ANAPC10: variants seen among roughly 807,000 people sequenced by gnomAD.
ANAPC10 encodes anaphase-promoting complex subunit 10.
A neutral mutation model predicts 22.0 loss-of-function variants in ANAPC10; 12 were observed. The ratio of observed to expected loss-of-function variants is 0.55; its 90% CI spans 0.35 to 0.88. The LOEUF (loss-of-function observed/expected upper bound fraction) is 0.88. Among genes scored for constraint, ANAPC10 ranks in the 40% least tolerant of loss-of-function variants. The probability of loss-of-function intolerance (pLI) is 0.01; values close to 1 mark genes in which losing one functional copy is unlikely to be tolerated. For synonymous variants in ANAPC10, 65 were observed against 69.5 expected (o/e 0.94, Z 0.32); for missense variants, 188 against 220.9 (o/e 0.85, Z 0.94).
chr4:145,047,661 C>T (rs1740521002), intron 4 of ANAPC10, among the ~76,000 whole-genome samples: 1 of 151,998 alleles, frequency 6.6e-6, no homozygotes, highest in Non-Finnish European at 1.5e-5. Context: ...CAACACAAGG[C>T]AACTCTTCAT....
intron 4 of ANAPC10, chr4:145,053,711 C>T: frequency 1.6e-6 from 1 of 608,586 alleles, no homozygotes; most frequent in Non-Finnish European, 2.9e-6. Flanking sequence ...GTTTCTGCTT[C>T]AATATTCTCA....
chr4:145,095,259 A>G (rs1261905132), intron 2 of ANAPC10, among the ~76,000 whole-genome samples: 1 of 152,252 alleles, frequency 6.6e-6, no homozygotes, highest in Non-Finnish European at 1.5e-5. Context: ...AAATATTAAA[A>G]GGGAAATTCC....
At chr4:145,089,507 GGTAGCA>G (rs1349183764) in intron 2 of ANAPC10, among the ~76,000 whole-genome samples, 9 of 152,168 alleles carry the variant, frequency 5.9e-5, no homozygotes, top group Non-Finnish European at 1.2e-4. Flanking sequence ...CCTATTATAC[GGTAGCA>G]GTCATAACAC....
intron 4 of ANAPC10, among the ~76,000 whole-genome samples, chr4:145,041,340 C>A (rs1645073638): frequency 6.6e-6 from 1 of 152,182 alleles, no homozygotes; most frequent in South Asian, 2.1e-4. Flanking sequence ...TGAAGTTTGA[C>A]TTCATCTTGA....
intron 3 of ANAPC10, among the ~76,000 whole-genome samples, chr4:145,069,890 C>T (rs1281473716): frequency 6.6e-6 from 1 of 152,124 alleles, no homozygotes; most frequent in Non-Finnish European, 1.5e-5. Flanking sequence ...AACAATGACA[C>T]TCTTCTCACT....
chr4:145,093,442 TA>T (rs925790695), intron 2 of ANAPC10, among the ~76,000 whole-genome samples: 13 of 134,648 alleles, frequency 9.7e-5, no homozygotes, highest in African/African-American at 8.2e-5. Context: ...TGGCACTCAA[TA>T]AAAAAAAAAG....
chr4:145,002,796 G>A (rs1236432951), intron 4 of ANAPC10, among the ~76,000 whole-genome samples: 3 of 152,044 alleles, frequency 2.0e-5, no homozygotes, highest in Admixed American at 6.6e-5. Context: ...TATGTACATA[G>A]TAAAAATTTT....
intron 4 of ANAPC10, among the ~76,000 whole-genome samples, chr4:145,006,957 T>C (rs1375124758): frequency 6.6e-6 from 1 of 152,088 alleles, no homozygotes; most frequent in African/African-American, 2.4e-5. Context: ...TTAATGTATA[T>C]AACTGTCCAG....
rs750015564 is a variant in ANAPC10 at position 145,022,797 on chromosome 4, CAAAAA to C, written c.328-27199_328-27195del. On this transcript the variant is annotated intron_variant, in intron 4 of 4. Transcript: ENST00000507656. ...TTAACTTTATAAAAAACTGCCAAAC[CAAAAA>C]AAAAAAAAAAATTAAAAACAGCATC... Among the ~76,000 whole-genome samples the C allele has an allele frequency of 4.7e-5, 4 of 85,156 alleles. No homozygotes were observed. In the East Asian group the frequency reaches 1.3e-3, roughly 27 times the overall value. 55.9% of individuals were successfully genotyped at this position (85,156 alleles called of 152,430 possible). A position where few individuals can be genotyped will look rare whatever the true frequency, so the allele number is the denominator to read the frequency against.
intron 4 of ANAPC10, among the ~76,000 whole-genome samples, chr4:145,007,212 T>A (rs1733518908): frequency 1.3e-5 from 2 of 152,062 alleles, no homozygotes; most frequent in South Asian, 4.1e-4. Context: ...CACCCCACTG[T>A]CAATATTAGA....
At chr4:145,000,997 G>A (rs1348778168) in intron 4 of ANAPC10, among the ~76,000 whole-genome samples, 1 of 152,024 alleles carries the variant, frequency 6.6e-6, no homozygotes, top group Admixed American at 6.6e-5. Context: ...TGAACAATGA[G>A]AACACTTGGA....
chr4:145,059,468 C>G (rs568852601), intron 4 of ANAPC10, among the ~76,000 whole-genome samples: 72 of 152,188 alleles, frequency 4.7e-4, no homozygotes, highest in Non-Finnish European at 6.6e-4. Flanking sequence ...AAGACAAAAA[C>G]AGAGCTTAAA....
chr4:145,074,970 G>A (rs1397341840), intron 3 of ANAPC10, among the ~76,000 whole-genome samples: 3 of 151,946 alleles, frequency 2.0e-5, no homozygotes, highest in Non-Finnish European at 4.4e-5. Flanking sequence ...CAAAGTTTTC[G>A]GCAGACCATA....
rs138496454 is a variant in ANAPC10 at position 145,000,688 on chromosome 4, C to G, written c.328-5085G>C. ...AGAAATACTATTTGACCCAGCATTC[C>G]CATTACTGGGTATATACCCAAAGGA... On this transcript the variant is annotated intron_variant, in intron 4 of 4. Transcript: ENST00000507656. 7.0e-3 allele frequency among the ~76,000 whole-genome samples: 1,064 copies of G among 152,246 alleles called. 18 individuals carry two copies. Among genetic ancestry groups the G allele is most frequent in the African/African-American group, 0.025 (1,021 of 41,534 alleles).
rs1732144481 is a variant in ANAPC10 at position 144,999,356 on chromosome 4, A to G, written c.328-3753T>C. 3 of 152,526 alleles carry G rather than the reference A, an allele frequency of 2.0e-5. No homozygotes were observed. The South Asian group carries it at 6.2e-4, about 32-fold the overall frequency. The allele number at this position is 152,526 out of a possible 1,614,324, so 9.4% of individuals were successfully genotyped here. On this transcript the variant is annotated intron_variant, in intron 4 of 4. Transcript: ENST00000507656. ...CAATATGTTTCAGGATGCAGCATCA[A>G]TGTGCAAAAATCACAAGCATTCCTC...
intron 4 of ANAPC10, among the ~76,000 whole-genome samples, chr4:145,015,862 A>G (rs777883112): frequency 3.3e-5 from 5 of 152,162 alleles, no homozygotes; most frequent in Non-Finnish European, 7.3e-5. Context: ...GGAAAGATAC[A>G]GTGTTTTCCA....
intron 2 of ANAPC10, among the ~76,000 whole-genome samples, chr4:145,087,891 A>T (rs1215603596): frequency 3.3e-5 from 5 of 151,862 alleles, no homozygotes; most frequent in Admixed American, 6.6e-5. Flanking sequence ...AACTAAAAAT[A>T]AAAAAAATTA....
At chr4:145,001,260 G>T (rs1412148834) in intron 4 of ANAPC10, among the ~76,000 whole-genome samples, 1 of 123,818 alleles carries the variant, frequency 8.1e-6, no homozygotes, top group Admixed American at 8.8e-5. Context: ...GGGAGGGAGG[G>T]AGGGAAAGAA....
chr4:145,011,387 A>T (rs574018811), intron 4 of ANAPC10, among the ~76,000 whole-genome samples: 2 of 151,374 alleles, frequency 1.3e-5, no homozygotes, highest in African/African-American at 2.4e-5. Flanking sequence ...AAAATAAAAT[A>T]AAATTCAAGA....
Sources: gnomAD v4.1 joint callset for allele counts (sites outside exome capture counted in the v4.1 genomes callset) on GRCh38, gnomAD v4.1.1 for gene constraint, MANE v1.5 for transcripts, NCBI Gene and HGNC (gene_info 2026-07-23, HGNC 2026-07-21) for gene names.